The following LYPLA1 variants were observed in gnomAD, a reference collection of about 807,000 sequenced individuals.
The protein encoded by LYPLA1 is lysophospholipase 1, also known as acyl-protein thioesterase 1.
LYPLA1 carries 17 observed loss-of-function variants against 34.0 expected under a neutral mutation model. That is an observed-to-expected ratio of 0.50 (90% CI 0.34 to 0.75). The LOEUF is 0.75. LYPLA1 is among the 30% of genes least tolerant of loss of function. LYPLA1 has a pLI of 0.01. For missense variants in LYPLA1, 203 were observed against 288.8 expected (o/e 0.70, Z 2.15); for synonymous variants, 98 against 100.8 (o/e 0.97, Z 0.17).
rs560552444 is a variant in LYPLA1, at chr8:54,052,509, C to T, written c.462+146G>A. ...CAGGAGGTAGATAGTAACTCTGTAC[C>T]TTCTGCTCAGTTTTGCTGTGAATTT... On this transcript the variant is annotated intron_variant, in intron 7 of 8. Transcript: ENST00000316963. 56 of 593,870 alleles carry T rather than the reference C, an allele frequency of 9.4e-5. No homozygotes were observed. In the African/African-American group the frequency reaches 9.6e-4, roughly 10 times the overall value. 36.8% of individuals were successfully genotyped at this position (593,870 alleles called of 1,614,324 possible).
At chr8:54,062,468 AT>A (rs1806722050) in intron 4 of LYPLA1, 144 bp from the exon 5 acceptor site, 1 of 314,600 alleles carries the variant, frequency 3.2e-6, no homozygotes, top group Non-Finnish European at 5.6e-6. Flanking sequence ...TAATTAATTT[AT>A]TTTTTGAGAC....
chr8:54,081,575 G>A (rs1393954822), intron 2 of LYPLA1, among the ~76,000 whole-genome samples: 2 of 152,038 alleles, frequency 1.3e-5, no homozygotes, highest in South Asian at 2.1e-4. Flanking sequence ...AGCCTCCCGA[G>A]TAGCTGGGAT....
chr8:54,058,839 G>T (rs1320256347), intron 5 of LYPLA1, among the ~76,000 whole-genome samples: 2 of 151,968 alleles, frequency 1.3e-5, no homozygotes, highest in African/African-American at 2.4e-5. Flanking sequence ...AAAGTGCTAG[G>T]ATTACAGGTA....
At chr8:54,054,520 T>C (rs940754187) in intron 6 of LYPLA1, 4 of 152,240 alleles carry the variant, frequency 2.6e-5, no homozygotes, top group Non-Finnish European at 5.9e-5. Flanking sequence ...ACTTAGAAGA[T>C]TTACAGATGA....
At chr8:54,093,992 T>G (rs1484978151) in intron 2 of LYPLA1, among the ~76,000 whole-genome samples, 1 of 152,240 alleles carries the variant, frequency 6.6e-6, no homozygotes, top group Non-Finnish European at 1.5e-5. Context: ...TATAATTCTA[T>G]TATTAATAGT....
intron 5 of LYPLA1, among the ~76,000 whole-genome samples, chr8:54,059,103 C>G (rs912939024): frequency 6.6e-6 from 1 of 152,176 alleles, no homozygotes; most frequent in South Asian, 2.1e-4. Flanking sequence ...GCCCACGTAT[C>G]TTCTTCACAG....
intron 6 of LYPLA1, 58 bp from the exon 7 acceptor site, chr8:54,052,814 G>A: frequency 9.5e-7 from 1 of 1,055,050 alleles, no homozygotes; most frequent in Non-Finnish European, 1.5e-6. Flanking sequence ...CAGCAATTTA[G>A]GGAATATCTT....
intron 8 of LYPLA1, among the ~76,000 whole-genome samples, chr8:54,050,097 G>C (rs1162386254): frequency 6.6e-6 from 1 of 152,000 alleles, no homozygotes; most frequent in African/African-American, 2.4e-5. Context: ...ATTCTTCGTT[G>C]ATCAATTATA....
chr8:54,053,765 G>C (rs1283383660), intron 6 of LYPLA1: 1 of 455,976 alleles, frequency 2.2e-6, no homozygotes, highest in Non-Finnish European at 4.4e-6. Flanking sequence ...GACAAGCAAA[G>C]AAACAAGAGA....
At chr8:54,073,331 A>T (rs906664150) in intron 2 of LYPLA1, 1 of 856,638 alleles carries the variant, frequency 1.2e-6, no homozygotes, top group Non-Finnish European at 2.0e-6. Context: ...TGTGAGCATG[A>T]TGTGTGCAAA....
intron 2 of LYPLA1, among the ~76,000 whole-genome samples, chr8:54,069,818 T>C (rs1807334943): frequency 6.6e-6 from 1 of 151,996 alleles, no homozygotes; most frequent in African/African-American, 2.4e-5. Context: ...AAAAGACATC[T>C]CAATAAAAAA....
downstream of LYPLA1, among the ~76,000 whole-genome samples, chr8:54,043,905 C>T (rs573102114): frequency 1.8e-4 from 28 of 151,964 alleles, no homozygotes; most frequent in Non-Finnish European, 3.4e-4. Flanking sequence ...CTTATTCTTC[C>T]GCTTTTTTGA....
chr8:54,068,690 A>C (rs1335134432), intron 2 of LYPLA1, among the ~76,000 whole-genome samples: 1 of 152,230 alleles, frequency 6.6e-6, no homozygotes, highest in Non-Finnish European at 1.5e-5. Context: ...GTAAACACTG[A>C]CCAAATACCT....
chr8:54,088,772 T>C (rs2129360362), intron 2 of LYPLA1, among the ~76,000 whole-genome samples: 1 of 152,362 alleles, frequency 6.6e-6, no homozygotes, highest in African/African-American at 2.4e-5. Flanking sequence ...AGACAGAGTC[T>C]CACTATATTG....
intron 2 of LYPLA1, among the ~76,000 whole-genome samples, chr8:54,091,452 A>T (rs1285825046): frequency 6.6e-6 from 1 of 151,786 alleles, no homozygotes; most frequent in Non-Finnish European, 1.5e-5. Context: ...ACGCCACTGC[A>T]CTCTAGCCTG....
At chr8:54,069,248 T>G (rs553442960) in intron 2 of LYPLA1, among the ~76,000 whole-genome samples, 7 of 152,184 alleles carry the variant, frequency 4.6e-5, no homozygotes, top group Non-Finnish European at 7.3e-5. Flanking sequence ...AGAAAGGGTG[T>G]TGAATGTTCA....
rs370940541 is a variant in LYPLA1, at chr8:54,083,860, G to A, written c.101+17048C>T. Among the ~76,000 whole-genome samples, 10 of 152,058 alleles carry A rather than the reference G, an allele frequency of 6.6e-5. No individual in the cohort carries two copies. In the South Asian group the frequency reaches 8.3e-4, roughly 13 times the overall value. On this transcript the variant is annotated intron_variant, in intron 2 of 8. Coordinates refer to ENST00000316963, the MANE Select transcript of LYPLA1 (RefSeq NM_006330.4). ...TGTTTAAAAATAAAGATCTCAGGCC[G>A]GGCACGGTGGCTCACGCCTGTAATC...
At chr8:54,054,845 T>C (rs1806098897) in intron 6 of LYPLA1, 1 of 451,350 alleles carries the variant, frequency 2.2e-6, no homozygotes. Flanking sequence ...TGTGTTAACT[T>C]AGAAATTTAA....
intron 2 of LYPLA1, among the ~76,000 whole-genome samples, chr8:54,094,543 T>C (rs1006361239): frequency 2.2e-4 from 34 of 152,318 alleles, no homozygotes; most frequent in African/African-American, 6.0e-4. Flanking sequence ...AAACTCAAGA[T>C]TTTGAATACT....
Sources: allele counts gnomAD v4.1 joint callset (sites outside exome capture counted in the v4.1 genomes callset), GRCh38; gene constraint gnomAD v4.1.1; transcripts MANE v1.5; gene names NCBI Gene and HGNC (gene_info 2026-07-23, HGNC 2026-07-21).